Variants in FERMT3 observed in about 807,000 individuals in gnomAD.
FERMT3 encodes the protein FERM domain containing kindlin 3, also known as fermitin family homolog 3.
FERMT3 carries 33 observed loss-of-function variants against 80.8 expected under a neutral mutation model. That is an observed-to-expected ratio of 0.41 (90% CI 0.31 to 0.55). The LOEUF (loss-of-function observed/expected upper bound fraction) is 0.55. FERMT3 is among the 20% of genes least tolerant of loss of function. The probability of loss-of-function intolerance (pLI) is 0.31; values close to 1 mark genes in which losing one functional copy is unlikely to be tolerated. For missense variants in FERMT3, 754 were observed against 908.7 expected (o/e 0.83, Z 2.19); for synonymous variants, 375 against 372.2 (o/e 1.01, Z -0.09).
rs1461174986 is a variant in FERMT3 at position 64,210,433 on chromosome 11, C to T, written c.161-178C>T. Reference sequence around the variant, plus strand: ...AGAAGGCCAAATCAGGGGCTGCCTGCAGAGAGCCCTGCTGCTGTTACCATG... The same window carrying T: ...AGAAGGCCAAATCAGGGGCTGCCTGTAGAGAGCCCTGCTGCTGTTACCATG... On this transcript the variant is annotated intron_variant, in intron 2 of 14. Transcript: ENST00000345728. This position sits in a 1 kb window ranked among gnomAD's most constrained non-coding sequence, Gnocchi z 4.3. 6.6e-6 allele frequency among the ~76,000 whole-genome samples: 1 copy of T among 152,216 alleles called. No homozygotes were observed. Among genetic ancestry groups the T allele is most frequent in the African/African-American group, 2.4e-5 (1 of 41,462 alleles).
chr11:64,207,419 C>G lies in FERMT3; in HGVS notation c.55C>G (p.Arg19Gly). The G allele has an allele frequency of 6.2e-7, 1 of 1,614,098 alleles. No individual in the cohort carries two copies. The highest frequency in any genetic ancestry group is 8.5e-7 in the Non-Finnish European group (1 of 1,180,002). Residue 19 changes from arginine (R) to glycine (G), a missense_variant, in exon 2 of 15, where the codon CGG becomes GGG. Arg to Gly is a moderately radical substitution (Grantham distance 125). Coordinates refer to ENST00000345728, the MANE Select transcript of FERMT3 (RefSeq NM_031471.6). Reference sequence around the variant, plus strand: ...CTACATCGACTCGTCATGGGAGCTGCGGGTGTTTGTGGGAGAGGAGGACCC... The same window carrying G: ...CTACATCGACTCGTCATGGGAGCTGGGGGTGTTTGTGGGAGAGGAGGACCC... ...GDYIDSSWEL[R>G]VFVGEEDPEA...
In FERMT3 at chr11:64,219,249, A is replaced by G. The variant is rs1441169802; in HGVS notation, c.787-2A>G. On this transcript the variant is annotated splice_acceptor_variant, in intron 6 of 14. Transcript: ENST00000345728. LOFTEE classifies it high-confidence loss of function. The surrounding 1 kb of genome is among the most constrained non-coding windows in gnomAD (Gnocchi z 4.0). ...CTCCAGCCTCCTCTCCCCCCGCTCCAGACAGACCCCGTGCGGCTGACACAG... is the reference window on the plus strand; with the variant it reads ...CTCCAGCCTCCTCTCCCCCCGCTCCGGACAGACCCCGTGCGGCTGACACAG... 6.3e-7 allele frequency: 1 copy of G among 1,587,546 alleles called. No individual in the cohort carries two copies. Among genetic ancestry groups the G allele is most frequent in the Non-Finnish European group, 8.6e-7 (1 of 1,167,720 alleles).
In FERMT3 at chr11:64,210,537, A is replaced by G; in HGVS notation, c.161-74A>G. On this transcript the variant is annotated intron_variant, in intron 2 of 14. Coordinates refer to ENST00000345728, the MANE Select transcript of FERMT3 (RefSeq NM_031471.6). The surrounding 1 kb of genome is among the most constrained non-coding windows in gnomAD (Gnocchi z 4.3). ...GGGAGTGGTCGCCCCAGGCTTCTGA[A>G]TCCTGGGGTTGTGCTGGGTGTTGGG... 2.0e-6 allele frequency: 3 copies of G among 1,487,594 alleles called. No individual in the cohort carries two copies. Among genetic ancestry groups the G allele is most frequent in the Non-Finnish European group, 2.8e-6 (3 of 1,069,082 alleles). The allele number at this position is 1,487,594 out of a possible 1,614,324, so 92.1% of individuals were successfully genotyped here. A position where few individuals can be genotyped will look rare whatever the true frequency, so the allele number is the denominator to read the frequency against.
rs1394628241 is a variant in FERMT3 at position 64,214,863 on chromosome 11, C to T, written c.786+3116C>T. On this transcript the variant is annotated intron_variant, in intron 6 of 14. Coordinates refer to ENST00000345728, the MANE Select transcript of FERMT3 (RefSeq NM_031471.6). ...TGTTGCCCAGGCTGGAGTGCAATGG[C>T]GTGATCTCGGCCCACTGCAACCTCT... Among the ~76,000 whole-genome samples the T allele has an allele frequency of 1.4e-4, 20 of 146,076 alleles. 1 individual carries two copies. Among genetic ancestry groups the T allele is most frequent in the Admixed American group, 1.0e-3 (15 of 14,634 alleles).
Position 64,223,104 on chromosome 11 carries a change from G to A in FERMT3, c.1727G>A (p.Arg576His), listed in dbSNP as rs1268657355. ...GGCATCGCCAACAACCGACTGATCC[G>A]CATCGACTTGGCCGTGGGCGACGTG... Reference protein sequence around the residue: ...ILGIANNRLIRIDLAVGDVVK... With the variant: ...ILGIANNRLIHIDLAVGDVVK... Residue 576 changes from arginine to histidine, a missense_variant, in exon 14 of 15, where the codon CGC becomes CAC. By Grantham distance (29) the Arg-to-His change is conservative. Coordinates refer to ENST00000345728, the MANE Select transcript of FERMT3 (RefSeq NM_031471.6). 3.7e-6 allele frequency: 6 copies of A among 1,613,802 alleles called. No homozygotes were observed. Among genetic ancestry groups the A allele is most frequent in the African/African-American group, 1.3e-5 (1 of 74,948 alleles).
intron 6 of FERMT3, among the ~76,000 whole-genome samples, chr11:64,212,230 A>G (rs1946458359): frequency 6.6e-6 from 1 of 152,198 alleles, no homozygotes; most frequent in Non-Finnish European, 1.5e-5. Flanking sequence ...CCCTTCCTCC[A>G]TTGGCAACCA....
chr11:64,223,791 G>C lies in FERMT3; in HGVS notation c.*299G>C. 1 of 1,003,508 alleles carries C rather than the reference G, an allele frequency of 1.0e-6. No individual in the cohort carries two copies. The allele number at this position is 1,003,508 out of a possible 1,614,324, so 62.2% of individuals were successfully genotyped here. A position where few individuals can be genotyped will look rare whatever the true frequency, so the allele number is the denominator to read the frequency against. ...GTCCCCCAGCACACAAGGAAGACCA[G>C]ATGTAGCTACAGGATGATGAAACAT... On this transcript the variant is annotated 3_prime_UTR_variant, in exon 15 of 15. Transcript: ENST00000345728.
chr11:64,211,434 T>C lies in FERMT3; in HGVS notation c.674T>C (p.Leu225Pro), dbSNP rs1253271027. ...AGCTCCCTGTCAGACAAGACCCAGCTCCACAGCAGGTGCACCCAGGAGCCA... is the reference window on the plus strand; with the variant it reads ...AGCTCCCTGTCAGACAAGACCCAGCCCCACAGCAGGTGCACCCAGGAGCCA... ...RPSSLSDKTQ[L>P]HSRWLDSSRC... The change falls in exon 5 of 15, where the codon CTC becomes CCC. Residue 225 changes from leucine (L) to proline (P), a missense_variant. Transcript: ENST00000345728. This position sits in a 1 kb window ranked among gnomAD's most constrained non-coding sequence, Gnocchi z 4.7. 1 of 1,592,128 alleles carries C rather than the reference T, an allele frequency of 6.3e-7. No homozygotes were observed. The highest frequency in any genetic ancestry group is 1.1e-5 in the South Asian group (1 of 88,680).
At chr11:64,209,115 G>A (rs1321556629) in intron 2 of FERMT3, among the ~76,000 whole-genome samples, 3 of 152,194 alleles carry the variant, frequency 2.0e-5, no homozygotes, top group East Asian at 1.9e-4. Flanking sequence ...CCTTTGGCGC[G>A]AGTCCGTGTC....
chr11:64,217,464 G>A lies in FERMT3; in HGVS notation c.787-1787G>A, dbSNP rs185899289. 2.0e-3 allele frequency among the ~76,000 whole-genome samples: 297 copies of A among 152,176 alleles called. 3 individuals are homozygous for A. The East Asian group carries it at 0.024, about 12-fold the overall frequency. Reference sequence around the variant, plus strand: ...CTCAGGAGGCTGAGGCAGGAGAATCGCTTGAACCCGGGAGGCGGAGGTTGC... The same window carrying A: ...CTCAGGAGGCTGAGGCAGGAGAATCACTTGAACCCGGGAGGCGGAGGTTGC... On this transcript the variant is annotated intron_variant, in intron 6 of 14. Coordinates refer to ENST00000345728, the MANE Select transcript of FERMT3 (RefSeq NM_031471.6).
At chr11:64,222,240 CAAAT>C (rs56402636) in intron 13 of FERMT3, among the ~76,000 whole-genome samples, 39,998 of 137,016 alleles carry the variant, frequency 0.29, 6,309 homozygotes, top group Admixed American at 0.38. Context: ...GACTCAGTCT[CAAAT>C]AAATAAATAA....
Position 64,211,476 on chromosome 11 carries a change from G to T in FERMT3, c.683+33G>T. 6.4e-7 allele frequency: 1 copy of T among 1,555,140 alleles called. No homozygotes were observed. Among genetic ancestry groups the T allele is most frequent in the East Asian group, 2.4e-5 (1 of 42,120 alleles). On this transcript the variant is annotated intron_variant, in intron 5 of 14. Transcript: ENST00000345728. This position sits in a 1 kb window ranked among gnomAD's most constrained non-coding sequence, Gnocchi z 4.7. ...CAGGAGCCACGCCCCCTGTGTCAGG[G>T]CTCCCCCACCCAGGATCCACCCCCT...
chr11:64,210,990 A>G lies in FERMT3; in HGVS notation c.395-62A>G. On this transcript the variant is annotated intron_variant, in intron 3 of 14. Transcript: ENST00000345728. This position sits in a 1 kb window ranked among gnomAD's most constrained non-coding sequence, Gnocchi z 4.3. ...GGGCTGTGACCCGCCCCAAGCACCCATGGGTGAGGTGGGGAGGCTGCAGCA... is the reference window on the plus strand; with the variant it reads ...GGGCTGTGACCCGCCCCAAGCACCCGTGGGTGAGGTGGGGAGGCTGCAGCA... 1.2e-6 allele frequency: 2 copies of G among 1,608,742 alleles called. No individual in the cohort carries two copies. Among genetic ancestry groups the G allele is most frequent in the Non-Finnish European group, 1.7e-6 (2 of 1,177,830 alleles).
At chr11:64,212,152 A>G (rs1946456408) in intron 6 of FERMT3, among the ~76,000 whole-genome samples, 1 of 152,212 alleles carries the variant, frequency 6.6e-6, no homozygotes, top group African/African-American at 2.4e-5. Context: ...TAGGGACTGC[A>G]GGACCTGGGG....
rs1217783244 is a variant in FERMT3, at chr11:64,219,616, C to T, written c.987C>T (p.Asn329=). 3 of 1,613,084 alleles carry T rather than the reference C, an allele frequency of 1.9e-6. No individual in the cohort carries two copies. The highest frequency in any genetic ancestry group is 1.7e-6 in the Non-Finnish European group (2 of 1,179,960). ...GLDDLDVALS[N]LEVKLEGSAP... ...ACGACCTGGATGTGGCCCTGAGCAA[C>T]CTGGAGGTGAAGCTGGAGGGGTCGG... The change falls in exon 8 of 15, where the codon AAC becomes AAT. Residue 329 remains asparagine, a synonymous_variant. Coordinates refer to ENST00000345728, the MANE Select transcript of FERMT3 (RefSeq NM_031471.6). This position sits in a 1 kb window ranked among gnomAD's most constrained non-coding sequence, Gnocchi z 4.0.
chr11:64,207,575 C>T lies in FERMT3; in HGVS notation c.160+51C>T, dbSNP rs563036460. On this transcript the variant is annotated intron_variant, in intron 2 of 14. Transcript: ENST00000345728. Reference sequence around the variant, plus strand: ...AACTCGGCACCATGGGCGGCCGCCACGGGTGTCTCTGGGCACTTCCGGGCC... The same window carrying T: ...AACTCGGCACCATGGGCGGCCGCCATGGGTGTCTCTGGGCACTTCCGGGCC... 18 of 1,566,888 alleles carry T rather than the reference C, an allele frequency of 1.1e-5. No homozygotes were observed. In the South Asian group the frequency reaches 1.3e-4, roughly 11 times the overall value.
chr11:64,213,949 T>C (rs1946496397), intron 6 of FERMT3, among the ~76,000 whole-genome samples: 1 of 152,208 alleles, frequency 6.6e-6, no homozygotes, highest in Non-Finnish European at 1.5e-5. Flanking sequence ...CTATTGACTT[T>C]GTAAGAAGGT....
At position 64,219,124 on chromosome 11, in the gene FERMT3, T is replaced by C. The variant is rs1461680266; in HGVS notation, c.787-127T>C. ...AGGTCTGTGGCCCATGTCTGGCCAC[T>C]GAATGAATCTGCCTCAGCAAGGAGG... On this transcript the variant is annotated intron_variant, in intron 6 of 14. Transcript: ENST00000345728. This position sits in a 1 kb window ranked among gnomAD's most constrained non-coding sequence, Gnocchi z 4.0. 7 of 860,460 alleles carry C rather than the reference T, an allele frequency of 8.1e-6. No individual in the cohort carries two copies. The highest frequency in any genetic ancestry group is 1.3e-5 in the Non-Finnish European group (7 of 539,066). The allele number at this position is 860,460 out of a possible 1,614,324, so 53.3% of individuals were successfully genotyped here.
In FERMT3 at chr11:64,223,743, C is replaced by A; in HGVS notation, c.*251C>A. On this transcript the variant is annotated 3_prime_UTR_variant, in exon 15 of 15. Coordinates refer to ENST00000345728, the MANE Select transcript of FERMT3 (RefSeq NM_031471.6). ...CCTTTCCTTGTCTGAGTGGCTGAGG[C>A]TGATACCCCTGACCTATCTGCAGTC... The A allele has an allele frequency of 1.3e-6, 1 of 771,242 alleles. No homozygotes were observed. Among genetic ancestry groups the A allele is most frequent in the Non-Finnish European group, 2.1e-6 (1 of 482,336 alleles). The allele number at this position is 771,242 out of a possible 1,614,324, so 47.8% of individuals were successfully genotyped here.
Sources: allele counts gnomAD v4.1 joint callset (sites outside exome capture counted in the v4.1 genomes callset), GRCh38; gene constraint gnomAD v4.1.1; non-coding constraint Gnocchi (gnomAD v3.1); transcripts MANE v1.5; gene names NCBI Gene and HGNC (gene_info 2026-07-23, HGNC 2026-07-21).